CSMD1: variants seen among roughly 807,000 people sequenced by gnomAD.
CSMD1 encodes the protein CUB and Sushi multiple domains 1, also known as CUB and sushi domain-containing protein 1.
A neutral mutation model predicts 417.5 loss-of-function variants in CSMD1; 213 were observed. That is an observed-to-expected ratio of 0.51 (90% CI 0.46 to 0.57). The LOEUF (loss-of-function observed/expected upper bound fraction) is 0.57. Among genes scored for constraint, CSMD1 ranks in the 20% least tolerant of loss-of-function variants. The probability of loss-of-function intolerance (pLI) is 0.00; values close to 1 mark genes in which losing one functional copy is unlikely to be tolerated. For synonymous variants in CSMD1, 2,862 were observed against 1,736.8 expected (o/e 1.65, Z -16.11); for missense variants, 6,923 against 4,529.7 (o/e 1.53, Z -15.17).
At chr8:4,037,178 G>C (rs3849815) in intron 3 of CSMD1, among the ~76,000 whole-genome samples, 22,852 of 152,222 alleles carry the variant, frequency 0.15, 2,459 homozygotes, top group East Asian at 0.39. Flanking sequence ...TTCAATATTA[G>C]AAGTGTTTTG....
At chr8:3,187,661 C>T (rs533904654) in intron 36 of CSMD1, among the ~76,000 whole-genome samples, 83 of 152,238 alleles carry the variant, frequency 5.5e-4, no homozygotes, top group African/African-American at 2.0e-3. Flanking sequence ...TTAGATTGGT[C>T]TCCTCCTCGT....
intron 1 of CSMD1, among the ~76,000 whole-genome samples, chr8:4,891,341 T>C (rs528019606): frequency 1.3e-5 from 2 of 152,266 alleles, no homozygotes; most frequent in South Asian, 2.1e-4. Flanking sequence ...GACTGAAGTT[T>C]ATTGAAGTGA....
Position 4,310,633 on chromosome 8 carries a change from G to A in CSMD1, c.415+109320C>T, listed in dbSNP as rs60806454. The stretch of plus-strand genomic sequence containing the variant: ...CAACATGGTATGTTAGGAAAAATGA[G>A]TCAGACACATTTGACCGAGACTATA... On this transcript the variant is annotated intron_variant, in intron 3 of 69. Transcript: ENST00000635120. Among the ~76,000 whole-genome samples, 4 of 152,054 alleles carry A rather than the reference G, an allele frequency of 2.6e-5. No homozygotes were observed. The East Asian group carries it at 5.8e-4, about 22-fold the overall frequency.
At chr8:4,983,594 C>T (rs1035539216) in intron 1 of CSMD1, among the ~76,000 whole-genome samples, 1 of 152,152 alleles carries the variant, frequency 6.6e-6, no homozygotes, top group Non-Finnish European at 1.5e-5. Flanking sequence ...GCAATCTCGA[C>T]TGACTGCAAC....
chr8:3,724,651 G>T (rs1005682137), intron 6 of CSMD1, among the ~76,000 whole-genome samples: 5 of 152,066 alleles, frequency 3.3e-5, no homozygotes, highest in Admixed American at 6.6e-5. Context: ...CATTTACCCT[G>T]GGCTCAACCA....
intron 1 of CSMD1, among the ~76,000 whole-genome samples, chr8:4,951,260 T>C (rs921912093): frequency 4.6e-5 from 7 of 152,146 alleles, no homozygotes; most frequent in Non-Finnish European, 7.3e-5. Flanking sequence ...TCATTGCTGA[T>C]AACGACTTTT....
intron 7 of CSMD1, among the ~76,000 whole-genome samples, chr8:3,643,554 G>T (rs560672497): frequency 6.6e-6 from 1 of 151,756 alleles, no homozygotes; most frequent in Non-Finnish European, 1.5e-5. Flanking sequence ...TACAAAAATT[G>T]GCCGGGCGTG....
At chr8:4,263,054 C>A (rs1438097060) in intron 3 of CSMD1, among the ~76,000 whole-genome samples, 4 of 152,098 alleles carry the variant, frequency 2.6e-5, no homozygotes, top group African/African-American at 9.7e-5. Flanking sequence ...GAATTGTATT[C>A]TCTATGAGAA....
chr8:4,060,566 T>C (rs915596466), intron 3 of CSMD1, among the ~76,000 whole-genome samples: 6 of 152,156 alleles, frequency 3.9e-5, no homozygotes, highest in African/African-American at 1.4e-4. Flanking sequence ...ACAGTGCGAA[T>C]GAGTTCCAGG....
intron 5 of CSMD1, among the ~76,000 whole-genome samples, chr8:3,796,768 G>T (rs577818447): frequency 3.3e-5 from 5 of 151,026 alleles, no homozygotes; most frequent in Non-Finnish European, 7.4e-5. Flanking sequence ...AAAATATTCT[G>T]ATCATCATAT....
At chr8:3,800,830 C>T (rs1337117886) in intron 5 of CSMD1, among the ~76,000 whole-genome samples, 1 of 152,060 alleles carries the variant, frequency 6.6e-6, no homozygotes, top group Non-Finnish European at 1.5e-5. Context: ...CCTTCTTCAT[C>T]ATGTTTTGAC....
chr8:4,411,825 T>C (rs1185956188), intron 3 of CSMD1, among the ~76,000 whole-genome samples: 4 of 152,210 alleles, frequency 2.6e-5, no homozygotes, highest in African/African-American at 9.7e-5. Context: ...ATGCAAATAC[T>C]TTTATTTATA....
intron 26 of CSMD1, among the ~76,000 whole-genome samples, chr8:3,261,349 G>T (rs1801046225): frequency 6.6e-6 from 1 of 152,084 alleles, no homozygotes; most frequent in African/African-American, 2.4e-5. Context: ...GCATTCTTGG[G>T]CATTTATCTC....
At chr8:3,967,535 T>C (rs1189050983) in intron 5 of CSMD1, among the ~76,000 whole-genome samples, 3 of 151,692 alleles carry the variant, frequency 2.0e-5, no homozygotes, top group African/African-American at 4.8e-5. Flanking sequence ...AGAACTGAAA[T>C]AAATGAAGCA....
chr8:4,881,326 CATA>C (rs1803382254), intron 1 of CSMD1, among the ~76,000 whole-genome samples: 1 of 151,860 alleles, frequency 6.6e-6, no homozygotes, highest in African/African-American at 2.4e-5. Context: ...TATTTGAATA[CATA>C]ATAACTAATA....
chr8:4,336,475 T>G (rs1226068075), intron 3 of CSMD1, among the ~76,000 whole-genome samples: 3 of 151,984 alleles, frequency 2.0e-5, no homozygotes, highest in Non-Finnish European at 4.4e-5. Context: ...GTTTGAGCCT[T>G]CAGACACGGA....
At chr8:4,255,134 T>C (rs1462271950) in intron 3 of CSMD1, among the ~76,000 whole-genome samples, 9 of 152,190 alleles carry the variant, frequency 5.9e-5, no homozygotes, top group Admixed American at 5.9e-4. Context: ...TATCAGTTTT[T>C]AGCATTAAAA....
intron 3 of CSMD1, among the ~76,000 whole-genome samples, chr8:4,372,177 TA>T (rs1188772680): frequency 1.9e-4 from 29 of 152,314 alleles, no homozygotes; most frequent in Admixed American, 2.0e-4. Context: ...CAAAAAGAGA[TA>T]TTTTTTTGTC....
intron 1 of CSMD1, among the ~76,000 whole-genome samples, chr8:4,945,210 A>G (rs1382172611): frequency 6.6e-6 from 1 of 152,174 alleles, no homozygotes; most frequent in East Asian, 1.9e-4. Flanking sequence ...ATCCTTAGAG[A>G]TAGAAAGTAG....
Sources: allele counts gnomAD v4.1 joint callset (sites outside exome capture counted in the v4.1 genomes callset), GRCh38; gene constraint gnomAD v4.1.1; transcripts MANE v1.5; gene names NCBI Gene and HGNC (gene_info 2026-07-23, HGNC 2026-07-21).